Variants in RMDN2 observed in about 807,000 individuals in gnomAD.
The protein encoded by RMDN2 is regulator of microtubule dynamics protein 2.
Under a neutral mutation model 52.8 loss-of-function variants are expected in RMDN2, and 61 were observed. That is an observed-to-expected ratio of 1.16 (90% confidence interval 0.94 to 1.43). The LOEUF (loss-of-function observed/expected upper bound fraction) is 1.43. RMDN2 is among the 40% of genes most tolerant of loss of function. The probability of loss-of-function intolerance (pLI) is 0.00; values close to 1 mark genes in which losing one functional copy is unlikely to be tolerated. For synonymous variants in RMDN2, 180 were observed against 153.1 expected (o/e 1.18, Z -1.30); for missense variants, 592 against 475.3 (o/e 1.25, Z -2.28).
chr2:37,924,946 C>T (rs1166877895), upstream of RMDN2, among the ~76,000 whole-genome samples: 3 of 152,170 alleles, frequency 2.0e-5, no homozygotes, highest in East Asian at 1.9e-4. Context: ...AGAAAGGGCA[C>T]AGAAAAAGGT....
intron 2 of RMDN2, chr2:37,951,170 C>T (rs759895299): frequency 2.5e-5 from 36 of 1,456,604 alleles, no homozygotes; most frequent in Middle Eastern, 4.2e-4. Context: ...CTTCAGGAGG[C>T]TTGGCAGGTC....
chr2:38,005,924 T>C (rs1677015903), intron 10 of RMDN2, among the ~76,000 whole-genome samples: 1 of 152,230 alleles, frequency 6.6e-6, no homozygotes, highest in Admixed American at 6.5e-5. Context: ...TACATATGGC[T>C]AGCCAGTTTT....
intron 10 of RMDN2, among the ~76,000 whole-genome samples, chr2:38,049,778 A>T (rs1681479338): frequency 1.3e-5 from 2 of 152,152 alleles, no homozygotes; most frequent in African/African-American, 2.4e-5. Context: ...GTATGTTGCC[A>T]GACTGGTCTC....
chr2:37,956,112 T>G (rs990786021), intron 2 of RMDN2, among the ~76,000 whole-genome samples: 8 of 152,338 alleles, frequency 5.3e-5, no homozygotes, highest in Admixed American at 3.3e-4. Context: ...TGGAAGAGTT[T>G]GAGGAAGACT....
chr2:37,951,448 C>T lies in RMDN2; in HGVS notation c.452+21719C>T, dbSNP rs749269339. The T allele has an allele frequency of 6.8e-6, 11 of 1,612,514 alleles. No individual in the cohort carries two copies. The highest frequency in any genetic ancestry group is 9.3e-6 in the Non-Finnish European group (11 of 1,179,544). On this transcript the variant is annotated intron_variant, in intron 2 of 10. Transcript: ENST00000354545. ...CCATCTTTCTCTGAAAGAAGATATTCTTTATTTGTTGGATTTCAAAAAAGA... is the reference window on the plus strand; with the variant it reads ...CCATCTTTCTCTGAAAGAAGATATTTTTTATTTGTTGGATTTCAAAAAAGA...
chr2:37,977,679 G>T (rs2125084776), intron 4 of RMDN2, among the ~76,000 whole-genome samples: 2 of 152,094 alleles, frequency 1.3e-5, no homozygotes, highest in Middle Eastern at 6.8e-3. Context: ...TCAATTCCCA[G>T]ACGGGGTCGC....
intron 2 of RMDN2, among the ~76,000 whole-genome samples, chr2:37,930,377 G>A (rs1224257735): frequency 6.6e-6 from 1 of 152,046 alleles, no homozygotes; most frequent in Non-Finnish European, 1.5e-5. Context: ...TTTCCTTGCA[G>A]AAACCCTCAG....
rs541081544 is a variant in RMDN2, at chr2:37,987,793, T to C, written c.792-1748T>C. Among the ~76,000 whole-genome samples the C allele has an allele frequency of 7.2e-5, 11 of 152,334 alleles. No individual in the cohort carries two copies. The South Asian group carries it at 2.3e-3, about 32-fold the overall frequency. ...GGGGAAGTTGGCCAGGCACAGTGGC[T>C]CTTGCCTGTAATCCCAGCGCTTTGG... On this transcript the variant is annotated intron_variant, in intron 5 of 10. Coordinates refer to ENST00000354545, the MANE Select transcript of RMDN2 (RefSeq NM_001170791.3).
At chr2:37,985,588 C>G (rs1301708983) in intron 5 of RMDN2, among the ~76,000 whole-genome samples, 1 of 152,034 alleles carries the variant, frequency 6.6e-6, no homozygotes, top group Non-Finnish European at 1.5e-5. Context: ...GGGGGTGATT[C>G]TAGGGCCAGG....
rs1267063865 is a variant in RMDN2 at position 38,017,662 on chromosome 2, G to C, written c.*423G>C. 2 of 792,120 alleles carry C rather than the reference G, an allele frequency of 2.5e-6. No homozygotes were observed. The highest frequency in any genetic ancestry group is 1.9e-5 in the African/African-American group (1 of 53,342). The allele number at this position is 792,120 out of a possible 1,614,324, so 49.1% of individuals were successfully genotyped here. A position where few individuals can be genotyped will look rare whatever the true frequency, so the allele number is the denominator to read the frequency against. On this transcript the variant is annotated 3_prime_UTR_variant, in exon 11 of 11. Transcript: ENST00000354545. Reference sequence around the variant, plus strand: ...ACATGAACAAGTTGTTGGCAGAAGAGGAAAAACAAACAAATGTAGTATTGT... The same window carrying C: ...ACATGAACAAGTTGTTGGCAGAAGACGAAAAACAAACAAATGTAGTATTGT...
At chr2:37,989,456 G>A in intron 5 of RMDN2, 85 bp from the exon 6 acceptor site, 3 of 826,134 alleles carry the variant, frequency 3.6e-6, no homozygotes, top group Non-Finnish European at 4.1e-6. Flanking sequence ...ATGCTTTAGA[G>A]TTTCTTTTAA....
intron 5 of RMDN2, among the ~76,000 whole-genome samples, chr2:37,986,184 A>G (rs1408712371): frequency 6.6e-6 from 1 of 152,210 alleles, no homozygotes; most frequent in Non-Finnish European, 1.5e-5. Flanking sequence ...AAGGATTAGA[A>G]TTGTTCCCCA....
At chr2:37,949,365 C>A (rs1206964248) in intron 2 of RMDN2, among the ~76,000 whole-genome samples, 1 of 152,168 alleles carries the variant, frequency 6.6e-6, no homozygotes, top group Non-Finnish European at 1.5e-5. Flanking sequence ...CTAAGCTCAG[C>A]GTTCTTTCCT....
At chr2:38,062,769 TC>T (rs1392724711) in intron 10 of RMDN2, among the ~76,000 whole-genome samples, 1,295 of 109,874 alleles carry the variant, frequency 0.012, 14 homozygotes, top group African/African-American at 0.034. Flanking sequence ...CCTCCCCCCT[TC>T]CCCCCCCCCA....
chr2:38,023,960 C>G (rs1222143277), intron 10 of RMDN2, among the ~76,000 whole-genome samples: 1 of 152,148 alleles, frequency 6.6e-6, no homozygotes, highest in African/African-American at 2.4e-5. Flanking sequence ...CTCTGCAACC[C>G]CATTCCAAAT....
intron 7 of RMDN2, among the ~76,000 whole-genome samples, chr2:37,996,003 C>T (rs7598117): frequency 0.57 from 86,907 of 151,962 alleles, 26,060 homozygotes; most frequent in East Asian, 0.89. Flanking sequence ...CATTGATTAG[C>T]ATCTTTTAAA....
At chr2:37,929,222 C>A (rs1666525821) in intron 1 of RMDN2, 40 bp from the exon 2 acceptor site, 3 of 1,197,724 alleles carry the variant, frequency 2.5e-6, no homozygotes, top group African/African-American at 1.5e-5. Flanking sequence ...TGGACAAAGA[C>A]ATAAACAACA....
intron 2 of RMDN2, among the ~76,000 whole-genome samples, chr2:37,947,080 GAGGGTAAAAATGC>G (rs1200014287): frequency 1.3e-5 from 2 of 151,930 alleles, no homozygotes; most frequent in African/African-American, 4.8e-5. Context: ...TGTAGATTTA[GAGGGTAAAAATGC>G]AGTTCTGTTA....
At chr2:38,027,188 CGAG>C (rs1191171021) in intron 10 of RMDN2, 2 of 152,198 alleles carry the variant, frequency 1.3e-5, no homozygotes, top group Admixed American at 6.6e-5. Flanking sequence ...TTCCTCAGCA[CGAG>C]GAGATTTCTG....
Sources: allele counts gnomAD v4.1 joint callset (sites outside exome capture counted in the v4.1 genomes callset), GRCh38; gene constraint gnomAD v4.1.1; transcripts MANE v1.5; gene names NCBI Gene and HGNC (gene_info 2026-07-23, HGNC 2026-07-21).